Variants in ELOA2 observed in about 807,000 individuals in gnomAD.
The protein encoded by ELOA2 is elongin A2.
For missense variants in ELOA2, 1,271 were observed against 979.7 expected (o/e 1.30, Z -3.97); for synonymous variants, 497 against 398.8 (o/e 1.25, Z -2.94).
In ELOA2 at chr18:47,035,219, C is replaced by G; in HGVS notation, c.46G>C (p.Val16Leu). Residue 16 changes from valine to leucine, a missense_variant, in exon 1 of 1, where the codon GTG (valine) becomes CTG (leucine). Coordinates refer to ENST00000332567, the MANE Select transcript of ELOA2 (RefSeq NM_016427.3). ...GGCTCCGTCTTAGTGGCCAGACGCA[C>G]CTGCAGCTTCTCCACTGCGTGCAGC... Reference protein sequence around the residue: ...TTLHAVEKLQVRLATKTEPKK... With the variant: ...TTLHAVEKLQLRLATKTEPKK... The G allele has an allele frequency of 6.2e-7, 1 of 1,612,784 alleles. No individual in the cohort carries two copies. Among genetic ancestry groups the G allele is most frequent in the South Asian group, 1.1e-5 (1 of 91,012 alleles).
In ELOA2 at chr18:47,033,613, G is replaced by C. The variant is rs377434176; in HGVS notation, c.1652C>G (p.Pro551Arg). Residue 551 changes from proline (P) to arginine (R), a missense_variant, in exon 1 of 1, where the codon CCC becomes CGC. Physicochemically the swap from Pro to Arg is moderately radical, Grantham distance 103 (BLOSUM62 -2). Coordinates refer to ENST00000332567, the MANE Select transcript of ELOA2 (RefSeq NM_016427.3). ...CAGAACAGGTTCAAGAACCCAGTAGGGGACCTCTCCCACGTCGCTGAGGGC... is the reference window on the plus strand; with the variant it reads ...CAGAACAGGTTCAAGAACCCAGTAGCGGACCTCTCCCACGTCGCTGAGGGC... ...PDALSDVGEVPYWVLEPVLEG... is the reference protein window; with the variant it reads ...PDALSDVGEVRYWVLEPVLEG... 1.9e-6 allele frequency: 3 copies of C among 1,614,062 alleles called. No homozygotes were observed. The highest frequency in any genetic ancestry group is 1.1e-5 in the South Asian group (1 of 91,082).
In ELOA2 at chr18:47,034,318, T is replaced by C; in HGVS notation, c.947A>G (p.Lys316Arg). ...GTCCCGGCCGTCTAGACTGGGCCTC[T>C]TCTTGTTCGAGTGACTGTGCTGAGG... ...KRPQHSHSNK[K>R]RPSLDGRDPG... The change falls in exon 1 of 1, where the codon AAG becomes AGG. Residue 316 changes from lysine to arginine, a missense_variant. By Grantham distance (26) the Lys-to-Arg change is conservative. Transcript: ENST00000332567. 2 of 1,612,940 alleles carry C rather than the reference T, an allele frequency of 1.2e-6. No homozygotes were observed. The highest frequency in any genetic ancestry group is 1.7e-6 in the Non-Finnish European group (2 of 1,179,014).
Position 47,032,957 on chromosome 18 carries a change from A to T in ELOA2, c.*46T>A. ...TTCCCCAACCCGCATTGACTTTGCC[A>T]ATGCAAAAATCCCCCCAGATTTTAT... is the stretch of plus-strand genomic sequence containing the variant. On this transcript the variant is annotated 3_prime_UTR_variant, in exon 1 of 1. Transcript: ENST00000332567. The T allele has an allele frequency of 6.2e-7, 1 of 1,613,214 alleles. No individual in the cohort carries two copies. Among genetic ancestry groups the T allele is most frequent in the Non-Finnish European group, 8.5e-7 (1 of 1,179,910 alleles).
rs1469709667 is a variant in ELOA2, at chr18:47,032,809, C to T, written c.*194G>A. 3.0e-6 allele frequency: 3 copies of T among 995,952 alleles called. No homozygotes were observed. Among genetic ancestry groups the T allele is most frequent in the Admixed American group, 2.7e-5 (1 of 36,970 alleles). The allele number at this position is 995,952 out of a possible 1,614,324, so 61.7% of individuals were successfully genotyped here. On this transcript the variant is annotated 3_prime_UTR_variant, in exon 1 of 1. Coordinates refer to ENST00000332567, the MANE Select transcript of ELOA2 (RefSeq NM_016427.3). ...ATCTTCTGAATTCTGAGGTGTTCTC[C>T]AAGCTGGGAGGTAGTGGCTGGGTGT...
rs535565677 is a variant in ELOA2 at position 47,034,854 on chromosome 18, C to T, written c.411G>A (p.Pro137=). 15 of 1,612,130 alleles carry T rather than the reference C, an allele frequency of 9.3e-6. No individual in the cohort carries two copies. Among genetic ancestry groups the T allele is most frequent in the South Asian group, 6.6e-5 (6 of 90,972 alleles). Residue 137 remains proline (P), a synonymous_variant, in exon 1 of 1, where the codon CCG becomes CCA. Coordinates refer to ENST00000332567, the MANE Select transcript of ELOA2 (RefSeq NM_016427.3). ...EHRRTARRTP[P]GQQRPHPRSH... ...ACCTCGGGTGAGGTCTCTGTTGCCC[C>T]GGAGGTGTTCTGCGTGCTGTCCGTC...
In ELOA2 at chr18:47,034,518, G is replaced by A; in HGVS notation, c.747C>T (p.Ile249=). Reference sequence around the variant, plus strand: ...AGCAGGCCCCGCATGATTTCTCCCTGATCAAAGTAGGGGAGTGCCAATCTC... The same window carrying A: ...AGCAGGCCCCGCATGATTTCTCCCTAATCAAAGTAGGGGAGTGCCAATCTC... ...AQGDWHSPTL[I]REKSCGACLR... is the part of the protein sequence containing the mutation. Residue 249 remains isoleucine, a synonymous_variant, in exon 1 of 1, where the codon ATC becomes ATT. Coordinates refer to ENST00000332567, the MANE Select transcript of ELOA2 (RefSeq NM_016427.3). 6.2e-7 allele frequency: 1 copy of A among 1,614,210 alleles called. No individual in the cohort carries two copies. The highest frequency in any genetic ancestry group is 8.5e-7 in the Non-Finnish European group (1 of 1,180,038).
rs1260765826 is a variant in ELOA2, at chr18:47,035,406, C to T, written c.-142G>A. 3.7e-5 allele frequency: 55 copies of T among 1,484,990 alleles called. No homozygotes were observed. Among genetic ancestry groups the T allele is most frequent in the East Asian group, 7.3e-5 (3 of 40,994 alleles). The allele number at this position is 1,484,990 out of a possible 1,614,324, so 92.0% of individuals were successfully genotyped here. On this transcript the variant is annotated 5_prime_UTR_variant, in exon 1 of 1. Transcript: ENST00000332567. Reference sequence around the variant, plus strand: ...CGGGATGTGGAGTCACAGCCTGGAGCGAGCTGGGTCCTCGGAGCAGCAGGC... The same window carrying T: ...CGGGATGTGGAGTCACAGCCTGGAGTGAGCTGGGTCCTCGGAGCAGCAGGC...
At chr18:47,034,979 G>A in the ELOA2 span, 4 of 1,611,616 alleles carry the variant, frequency 2.5e-6, no homozygotes, top group Non-Finnish European at 2.5e-6. Flanking sequence ...AAGCGCTGTC[G>A]GGAAGCGCTC....
At position 47,033,872 on chromosome 18, in the gene ELOA2, G is replaced by T; in HGVS notation, c.1393C>A (p.Leu465Ile). ...PSHVFSELWDLSEAWMQANYD... is the reference protein window; with the variant it reads ...PSHVFSELWDISEAWMQANYD... ...TTGGCCTGCATCCAGGCCTCTGAGA[G>T]GTCCCAGAGCTCTGAGAAGACATGG... is the stretch of plus-strand genomic sequence containing the variant. Residue 465 changes from leucine (L) to isoleucine (I), a missense_variant, in exon 1 of 1, where the codon CTC becomes ATC. Physicochemically the swap from Leu to Ile is conservative, Grantham distance 5. Transcript: ENST00000332567. 6.2e-7 allele frequency: 1 copy of T among 1,613,964 alleles called. No individual in the cohort carries two copies. The highest frequency in any genetic ancestry group is 8.5e-7 in the Non-Finnish European group (1 of 1,180,044).
Position 47,035,081 on chromosome 18 carries a change from C to T in ELOA2, c.184G>A (p.Val62Met). The change falls in exon 1 of 1, where the codon GTG becomes ATG. Residue 62 changes from valine (V) to methionine (M), a missense_variant. Val to Met is a conservative substitution (Grantham distance 21). Transcript: ENST00000332567. ...TVKRLRKHQH[V>M]GDFARDLAAR... ...GCTAAGTCTCTGGCAAAGTCGCCCACGTGCTGGTGCTTCCGCAGGCGCTTC... is the reference window on the plus strand; with the variant it reads ...GCTAAGTCTCTGGCAAAGTCGCCCATGTGCTGGTGCTTCCGCAGGCGCTTC... 2 of 1,611,110 alleles carry T rather than the reference C, an allele frequency of 1.2e-6. No homozygotes were observed. The highest frequency in any genetic ancestry group is 1.1e-5 in the South Asian group (1 of 90,872).
In ELOA2 at chr18:47,035,077, C is replaced by A; in HGVS notation, c.188G>T (p.Gly63Val). The change falls in exon 1 of 1, where the codon GGC becomes GTC. Residue 63 changes from glycine (G) to valine (V), a missense_variant. Transcript: ENST00000332567. ...VKRLRKHQHVGDFARDLAARW... is the reference protein window; with the variant it reads ...VKRLRKHQHVVDFARDLAARW... ...GGCCGCTAAGTCTCTGGCAAAGTCG[C>A]CCACGTGCTGGTGCTTCCGCAGGCG... 1 of 1,611,334 alleles carries A rather than the reference C, an allele frequency of 6.2e-7. No homozygotes were observed. The highest frequency in any genetic ancestry group is 2.2e-5 in the East Asian group (1 of 44,876).
In ELOA2 at chr18:47,033,085, G is replaced by A. The variant is rs774447890; in HGVS notation, c.2180C>T (p.Thr727Ile). The change falls in exon 1 of 1, where the codon ACC (threonine) becomes ATC (isoleucine). Residue 727 changes from threonine to isoleucine, a missense_variant. Thr to Ile is a moderately conservative substitution (Grantham distance 89). Coordinates refer to ENST00000332567, the MANE Select transcript of ELOA2 (RefSeq NM_016427.3). ...SNEHAAPAAKTRKQAAKKVAP... is the reference protein window; with the variant it reads ...SNEHAAPAAKIRKQAAKKVAP... ...CACTTTCTTGGCAGCCTGTTTCCGG[G>A]TTTTGGCCGCGGGCGCCGCGTGCTC... The A allele has an allele frequency of 6.2e-7, 1 of 1,614,126 alleles. No individual in the cohort carries two copies. Among genetic ancestry groups the A allele is most frequent in the Admixed American group, 1.7e-5 (1 of 60,034 alleles).
In ELOA2 at chr18:47,034,229, T is replaced by C. The variant is rs1014687164; in HGVS notation, c.1036A>G (p.Thr346Ala). Residue 346 changes from threonine (T) to alanine (A), a missense_variant, in exon 1 of 1, where the codon ACT (threonine) becomes GCT (alanine). Thr to Ala is a moderately conservative substitution (Grantham distance 58). Coordinates refer to ENST00000332567, the MANE Select transcript of ELOA2 (RefSeq NM_016427.3). ...GCAGTCGGTGGCTTCCCCTCTTGAGTCTCTCGGTCGTTGGAAAGCTGCTCT... is the reference window on the plus strand; with the variant it reads ...GCAGTCGGTGGCTTCCCCTCTTGAGCCTCTCGGTCGTTGGAAAGCTGCTCT... ...EKEQLSNDRE[T>A]QEGKPPTAHL... 1.2e-6 allele frequency: 2 copies of C among 1,613,838 alleles called. No homozygotes were observed. The highest frequency in any genetic ancestry group is 1.7e-6 in the Non-Finnish European group (2 of 1,179,752).
At position 47,034,697 on chromosome 18, in the gene ELOA2, C is replaced by T; in HGVS notation, c.568G>A (p.Gly190Arg). Residue 190 changes from glycine to arginine, a missense_variant, in exon 1 of 1, where the codon GGG (glycine) becomes AGG (arginine). Transcript: ENST00000332567. ...MPEGPEPAAP[G>R]KQPGRGHTHA... ...GTGTGGCCTCTTCCGGGTTGCTTCC[C>T]GGGCGCAGCGGGCTCAGGGCCCTCG... is the stretch of plus-strand genomic sequence containing the variant. 2 of 1,612,960 alleles carry T rather than the reference C, an allele frequency of 1.2e-6. No homozygotes were observed. The highest frequency in any genetic ancestry group is 1.1e-5 in the South Asian group (1 of 91,014).
Position 47,035,023 on chromosome 18 carries a change from C to T in ELOA2, c.242G>A (p.Arg81Gln). The change falls in exon 1 of 1, where the codon CGA becomes CAA. Residue 81 changes from arginine to glutamine, a missense_variant. Arg to Gln is a conservative substitution (Grantham distance 43, BLOSUM62 1). Coordinates refer to ENST00000332567, the MANE Select transcript of ELOA2 (RefSeq NM_016427.3). ...ARWKKLVLVD[R>Q]NTRPGPQDPE... is the part of the protein sequence containing the mutation. ...GTCCTGTGGGCCAGGCCGGGTGTTT[C>T]GGTCCACGAGCACCAGCTTCTTCCA... 1.2e-6 allele frequency: 2 copies of T among 1,611,638 alleles called. No homozygotes were observed. The highest frequency in any genetic ancestry group is 1.7e-6 in the Non-Finnish European group (2 of 1,179,606).
At position 47,034,094 on chromosome 18, in the gene ELOA2, G is replaced by T. The variant is rs773471442; in HGVS notation, c.1171C>A (p.Gln391Lys). 9 of 1,614,104 alleles carry T rather than the reference G, an allele frequency of 5.6e-6. No homozygotes were observed. Among genetic ancestry groups the T allele is most frequent in the Admixed American group, 5.0e-5 (3 of 60,008 alleles). ...LSCEKYLTYD[Q>K]LRKQKKKTGK... is the part of the protein sequence containing the mutation. ...GTCTTTTTCTTTTGCTTCCGCAACT[G>T]ATCGTAGGTGAGGTATTTTTCACAT... Residue 391 changes from glutamine to lysine, a missense_variant, in exon 1 of 1, where the codon CAG becomes AAG. Transcript: ENST00000332567.
Position 47,033,748 on chromosome 18 carries a change from C to A in ELOA2, c.1517G>T (p.Arg506Leu), listed in dbSNP as rs1018467408. ...CACCGGCATCTTAGCATTCACTCTG[C>A]GTCCAGGGAAAGCAGCTTCCTCCCG... is the stretch of plus-strand genomic sequence containing the variant. ...KFREEAAFPG[R>L]RVNAKMPVYS... The change falls in exon 1 of 1, where the codon CGC becomes CTC. Residue 506 changes from arginine (R) to leucine (L), a missense_variant. By Grantham distance (102) the Arg-to-Leu change is moderately radical. Transcript: ENST00000332567. The A allele has an allele frequency of 2.5e-6, 4 of 1,614,084 alleles. No homozygotes were observed. In the Admixed American group the frequency reaches 5.0e-5, roughly 20 times the overall value.
In ELOA2 at chr18:47,033,164, T is replaced by G. The variant is rs756897655; in HGVS notation, c.2101A>C (p.Ile701Leu). 6.2e-7 allele frequency: 1 copy of G among 1,613,926 alleles called. No homozygotes were observed. Among genetic ancestry groups the G allele is most frequent in the Admixed American group, 1.7e-5 (1 of 60,022 alleles). The change falls in exon 1 of 1, where the codon ATC (isoleucine) becomes CTC (leucine). Residue 701 changes from isoleucine to leucine, a missense_variant. Physicochemically the swap from Ile to Leu is conservative, Grantham distance 5 (BLOSUM62 2). Coordinates refer to ENST00000332567, the MANE Select transcript of ELOA2 (RefSeq NM_016427.3). Reference protein sequence around the residue: ...SGGGRDSSSSILRWLPEKRAN... With the variant: ...SGGGRDSSSSLLRWLPEKRAN... The stretch of plus-strand genomic sequence containing the variant: ...CGCTTCTCAGGGAGCCAGCGAAGGA[T>G]GCTGCTGCTGCTGTCTCTGCCACCG...
In ELOA2 at chr18:47,032,837, G is replaced by A. The variant is rs186796328; in HGVS notation, c.*166C>T. ...GCTGGGAGGTAGTGGCTGGGTGTGG[G>A]AGGCAAAATCACAGGGCCAGCACAT... On this transcript the variant is annotated 3_prime_UTR_variant, in exon 1 of 1. Coordinates refer to ENST00000332567, the MANE Select transcript of ELOA2 (RefSeq NM_016427.3). The A allele has an allele frequency of 5.0e-5, 68 of 1,367,646 alleles. No homozygotes were observed. In the African/African-American group the frequency reaches 8.5e-4, roughly 17 times the overall value. The allele number at this position is 1,367,646 out of a possible 1,614,324, so 84.7% of individuals were successfully genotyped here. A position where few individuals can be genotyped will look rare whatever the true frequency, so the allele number is the denominator to read the frequency against.
Sources: allele counts gnomAD v4.1 joint callset, GRCh38; gene constraint gnomAD v4.1.1; transcripts MANE v1.5; gene names NCBI Gene and HGNC (gene_info 2026-07-23, HGNC 2026-07-21).